Variants in ZNF229 observed in about 807,000 individuals in gnomAD.
ZNF229 encodes zinc finger protein 229.
In ZNF229, 10 loss-of-function variants were observed where a neutral mutation model predicts 11.8. The observed-to-expected ratio is 0.85, with a 90% confidence interval of 0.52 to 1.44. The LOEUF is 1.44. Ranked by LOEUF, ZNF229 falls within the 40% of genes most tolerant of loss-of-function variation. ZNF229 has a pLI of 0.00. For missense variants in ZNF229, 1,045 were observed against 1,015.1 expected (o/e 1.03, Z -0.40); for synonymous variants, 368 against 374.8 (o/e 0.98, Z 0.21).
At chr19:44,445,798 C>T (rs756316627) in intron 2 of ZNF229, among the ~76,000 whole-genome samples, 1 of 152,198 alleles carries the variant, frequency 6.6e-6, no homozygotes, top group Non-Finnish European at 1.5e-5. Context: ...ACAGCAGGTG[C>T]TCAATAAATA....
At chr19:44,440,805 C>A (rs746170676) in intron 4 of ZNF229, among the ~76,000 whole-genome samples, 15 of 151,782 alleles carry the variant, frequency 9.9e-5, no homozygotes, top group South Asian at 2.1e-4. Flanking sequence ...TTCACTGCAG[C>A]CTTGATTTCC....
At chr19:44,442,473 T>G (rs1239897227) in intron 4 of ZNF229, 90 bp downstream of exon 4, 6 of 1,322,372 alleles carry the variant, frequency 4.5e-6, no homozygotes, top group Middle Eastern at 2.1e-4. Flanking sequence ...CAATACATTT[T>G]TCGCTCTTTT....
rs946273673 is a variant in ZNF229 at position 44,445,476 on chromosome 19, C to G, written c.-178+2037G>C. On this transcript the variant is annotated intron_variant, in intron 2 of 5. Transcript: ENST00000614049. ...TCCCTCTTTCTCATTCTGCTCAGCT[C>G]TGGCTTCCTTGCTGTTCTTCACATG... 2.0e-5 allele frequency among the ~76,000 whole-genome samples: 3 copies of G among 152,350 alleles called. No individual in the cohort carries two copies. In the South Asian group the frequency reaches 6.2e-4, roughly 32 times the overall value.
At chr19:44,439,389 CA>C (rs1220893676) in intron 4 of ZNF229, among the ~76,000 whole-genome samples, 1 of 152,116 alleles carries the variant, frequency 6.6e-6, no homozygotes, top group African/African-American at 2.4e-5. Context: ...TGGTAGTAAT[CA>C]GAACTGAATA....
intron 2 of ZNF229, among the ~76,000 whole-genome samples, chr19:44,447,174 G>A (rs1341314550): frequency 6.6e-6 from 1 of 152,172 alleles, no homozygotes; most frequent in Non-Finnish European, 1.5e-5. Context: ...TGGCAAGCCT[G>A]GCACTGTCCT....
intron 4 of ZNF229, among the ~76,000 whole-genome samples, chr19:44,436,111 T>C (rs1230770501): frequency 6.6e-6 from 1 of 152,162 alleles, no homozygotes; most frequent in African/African-American, 2.4e-5. Flanking sequence ...CTGCAATATT[T>C]ACAGGGAGAC....
intron 5 of ZNF229, chr19:44,431,770 G>C: frequency 1.0e-6 from 1 of 988,604 alleles, no homozygotes; most frequent in Non-Finnish European, 1.2e-6. Context: ...TTCTCACCTG[G>C]AGATGCATTT....
rs763817354 is a variant in ZNF229, at chr19:44,429,562, A to G, written c.1219T>C (p.Cys407Arg). Residue 407 changes from cysteine to arginine, a missense_variant, in exon 6 of 6, where the codon TGC becomes CGC. Transcript: ENST00000614049. ...RVHTGEKPYKCSECGKGFSYS... is the reference protein window; with the variant it reads ...RVHTGEKPYKRSECGKGFSYS... ...CTGAAGCCCTTCCCACACTCGCTGC[A>G]TTTATATGGTTTCTCTCCAGTGTGG... is the stretch of plus-strand genomic sequence containing the variant. 1 of 1,613,726 alleles carries G rather than the reference A, an allele frequency of 6.2e-7. No homozygotes were observed. The highest frequency in any genetic ancestry group is 8.5e-7 in the Non-Finnish European group (1 of 1,179,820).
Position 44,432,283 on chromosome 19 carries a change from GT to G in ZNF229, c.176del (p.Tyr59SerfsTer4). 6.2e-7 allele frequency: 1 copy of G among 1,613,750 alleles called. No homozygotes were observed. Among genetic ancestry groups the G allele is most frequent in the Non-Finnish European group, 8.5e-7 (1 of 1,179,950 alleles). On this transcript the variant is annotated frameshift_variant, in exon 5 of 6. Transcript: ENST00000614049. LOFTEE classifies it high-confidence loss of function. ...TGAAATTCTCCTGCATCACATCTTGGTACAGCTGCCTCTGGGTAGAGTCCAG... is the reference window on the plus strand; with the variant it reads ...TGAAATTCTCCTGCATCACATCTTGGACAGCTGCCTCTGGGTAGAGTCCAG... ...ELLDSTQRQL[Y>X]QDVMQENFRN... is the part of the protein sequence containing the mutation.
intron 4 of ZNF229, among the ~76,000 whole-genome samples, chr19:44,436,076 T>C (rs1394051751): frequency 1.3e-5 from 2 of 152,132 alleles, no homozygotes; most frequent in Non-Finnish European, 2.9e-5. Context: ...CAAGTATAGA[T>C]ACAAGGAGAC....
Position 44,429,076 on chromosome 19 carries a change from C to G in ZNF229, c.1705G>C (p.Glu569Gln). 1 of 1,613,808 alleles carries G rather than the reference C, an allele frequency of 6.2e-7. No individual in the cohort carries two copies. The highest frequency in any genetic ancestry group is 1.1e-5 in the South Asian group (1 of 91,060). The change falls in exon 6 of 6, where the codon GAG (glutamate) becomes CAG (glutamine). Residue 569 changes from glutamate to glutamine, a missense_variant. By Grantham distance (29) the Glu-to-Gln change is conservative (BLOSUM62 2). Transcript: ENST00000614049. Reference sequence around the variant, plus strand: ...CACTCACTGCATTTATAGGGTTTCTCTCCTGTGTGGACCCTCTGATGGATG... The same window carrying G: ...CACTCACTGCATTTATAGGGTTTCTGTCCTGTGTGGACCCTCTGATGGATG... ...LHIHQRVHTGEKPYKCSECGK... is the reference protein window; with the variant it reads ...LHIHQRVHTGQKPYKCSECGK...
rs1248340798 is a variant in ZNF229 at position 44,426,422 on chromosome 19, G to A, written c.*1881C>T. 3.3e-5 allele frequency: 5 copies of A among 152,158 alleles called. No individual in the cohort carries two copies. Among genetic ancestry groups the A allele is most frequent in the Admixed American group, 3.3e-4 (5 of 15,290 alleles). The allele number at this position is 152,158 out of a possible 1,614,324, so 9.4% of individuals were successfully genotyped here. On this transcript the variant is annotated 3_prime_UTR_variant, in exon 6 of 6. Coordinates refer to ENST00000614049, the MANE Select transcript of ZNF229 (RefSeq NM_014518.4). ...TTCAGAATCCCACCACTAGAGATAA[G>A]TAGTTATATGTCCTCTCCCACATCT...
intron 4 of ZNF229, among the ~76,000 whole-genome samples, chr19:44,437,119 T>C (rs1051312029): frequency 1.3e-5 from 2 of 152,058 alleles, no homozygotes; most frequent in African/African-American, 4.8e-5. Flanking sequence ...TAAATTACAG[T>C]TATACTAGGG....
intron 2 of ZNF229, among the ~76,000 whole-genome samples, chr19:44,444,770 C>CTAA (rs1971976695): frequency 6.6e-6 from 1 of 152,218 alleles, no homozygotes; most frequent in African/African-American, 2.4e-5. Flanking sequence ...ACACCTGAAG[C>CTAA]AAACTTGCTA....
chr19:44,445,316 T>A (rs1200770122), intron 2 of ZNF229, among the ~76,000 whole-genome samples: 1 of 152,166 alleles, frequency 6.6e-6, no homozygotes, highest in Non-Finnish European at 1.5e-5. Context: ...GCTGGAGTGA[T>A]CTTTTAAAAA....
At chr19:44,437,266 G>A (rs181703445) in intron 4 of ZNF229, among the ~76,000 whole-genome samples, 213 of 152,176 alleles carry the variant, frequency 1.4e-3, no homozygotes, top group African/African-American at 4.9e-3. Context: ...ATTTTCAAAA[G>A]GGAACTAATA....
chr19:44,442,637 G>A lies in ZNF229; in HGVS notation c.35-16C>T. ...GAATGAAGAGCTGTAGGAGGAGAAAGAGGCCATGAGGAGGAGTTGGTGCTG... is the reference window on the plus strand; with the variant it reads ...GAATGAAGAGCTGTAGGAGGAGAAAAAGGCCATGAGGAGGAGTTGGTGCTG... On this transcript the variant is annotated splice_polypyrimidine_tract_variant and intron_variant, in intron 3 of 5. Coordinates refer to ENST00000614049, the MANE Select transcript of ZNF229 (RefSeq NM_014518.4). 1.9e-6 allele frequency: 3 copies of A among 1,614,058 alleles called. No homozygotes were observed. Among genetic ancestry groups the A allele is most frequent in the Non-Finnish European group, 2.5e-6 (3 of 1,179,946 alleles).
At position 44,432,379 on chromosome 19, in the gene ZNF229, A is replaced by C. The variant is rs780748200; in HGVS notation, c.94-13T>G. The C allele has an allele frequency of 1.2e-6, 2 of 1,611,986 alleles. No individual in the cohort carries two copies. Among genetic ancestry groups the C allele is most frequent in the African/African-American group, 2.7e-5 (2 of 74,614 alleles). On this transcript the variant is annotated splice_polypyrimidine_tract_variant and intron_variant, in intron 4 of 5. Transcript: ENST00000614049. ...AGCTCAATGGCTCCTAAAATGAAAA[A>C]CCATTAACACAAACATCTACTAGAT...
In ZNF229 at chr19:44,429,488, C is replaced by A; in HGVS notation, c.1293G>T (p.Lys431Asn). The change falls in exon 6 of 6, where the codon AAG becomes AAT. Residue 431 changes from lysine (K) to asparagine (N), a missense_variant. By Grantham distance (94) the Lys-to-Asn change is moderately conservative. Coordinates refer to ENST00000614049, the MANE Select transcript of ZNF229 (RefSeq NM_014518.4). Reference protein sequence around the residue: ...QVHQRLHTGEKPYTCSECGKG... With the variant: ...QVHQRLHTGENPYTCSECGKG... ...TGCCACACTCGCTGCAGGTGTAGGGCTTCTCCCCTGTGTGCAGCCTCTGAT... is the reference window on the plus strand; with the variant it reads ...TGCCACACTCGCTGCAGGTGTAGGGATTCTCCCCTGTGTGCAGCCTCTGAT... The A allele has an allele frequency of 6.2e-7, 1 of 1,612,430 alleles. No homozygotes were observed. Among genetic ancestry groups the A allele is most frequent in the Non-Finnish European group, 8.5e-7 (1 of 1,179,526 alleles).
Sources: gnomAD v4.1 joint callset for allele counts (sites outside exome capture counted in the v4.1 genomes callset) on GRCh38, gnomAD v4.1.1 for gene constraint, MANE v1.5 for transcripts, NCBI Gene and HGNC (gene_info 2026-07-23, HGNC 2026-07-21) for gene names.